CROCC2: variants seen among roughly 807,000 people sequenced by gnomAD.
CROCC2 encodes ciliary rootlet coiled-coil protein 2.
In CROCC2, 163 loss-of-function variants were observed where a neutral mutation model predicts 177.6. The observed-to-expected ratio is 0.92, with a 90% confidence interval of 0.81 to 1.05. The LOEUF is 1.05. Among genes scored for constraint, CROCC2 ranks in the 50% least tolerant of loss-of-function variants. The pLI is 0.00. For missense variants in CROCC2, 1,929 were observed against 1,797.8 expected (o/e 1.07, Z -1.32); for synonymous variants, 904 against 787.3 (o/e 1.15, Z -2.48).
intron 11 of CROCC2, 24 bp from the exon 12 acceptor site, chr2:240,934,307 C>T (rs1307184730): frequency 4.5e-6 from 7 of 1,546,882 alleles, no homozygotes; most frequent in Admixed American, 2.0e-5. Context: ...GAGCGACCTC[C>T]CGCCCTCTGG....
chr2:240,915,679 G>T (rs1046991680), intron 1 of CROCC2, among the ~76,000 whole-genome samples: 3 of 152,150 alleles, frequency 2.0e-5, no homozygotes, highest in Non-Finnish European at 4.4e-5. Flanking sequence ...ACAACCAAAT[G>T]GGGTGGCGCA....
Position 240,930,232 on chromosome 2 carries a change from G to A in CROCC2, c.712G>A (p.Gly238Arg). The A allele has an allele frequency of 1.7e-6, 1 of 593,438 alleles. No homozygotes were observed. Among genetic ancestry groups the A allele is most frequent in the Non-Finnish European group, 3.1e-6 (1 of 323,552 alleles). The allele number at this position is 593,438 out of a possible 1,614,324, so 36.8% of individuals were successfully genotyped here. ...CCTGTGGAGACAGGCCGTGGTGCTGGGGACAGACCTGGCCGAGCTGCGTGT... is the reference window on the plus strand; with the variant it reads ...CCTGTGGAGACAGGCCGTGGTGCTGAGGACAGACCTGGCCGAGCTGCGTGT... ...LLLWRQAVVL[G>R]TDLAELRVAT... Residue 238 changes from glycine to arginine, a missense_variant, in exon 6 of 32, where the codon GGG (glycine) becomes AGG (arginine). By Grantham distance (125) the Gly-to-Arg change is moderately radical. Around this residue, in one of 3 missense-constraint regions of CROCC2, gnomAD observed 1,397 missense variants for 1,239.9 expected, o/e 1.13. Coordinates refer to ENST00000690015, the MANE Select transcript of CROCC2 (RefSeq NM_001351305.2).
chr2:240,956,015 GC>G, intron 19 of CROCC2, 43 bp downstream of exon 19: 8 of 1,440,538 alleles, frequency 5.6e-6, no homozygotes, highest in Non-Finnish European at 6.6e-6. Context: ...CCAAGCAGGT[GC>G]TGGCAGACCC....
intron 27 of CROCC2, among the ~76,000 whole-genome samples, chr2:240,974,969 A>C (rs985736247): frequency 6.6e-6 from 1 of 151,950 alleles, no homozygotes; most frequent in African/African-American, 2.4e-5. Flanking sequence ...TTGGGCAGGG[A>C]TGACGGTTTT....
At chr2:240,922,425 G>T in intron 3 of CROCC2, 114 bp from the exon 4 acceptor site, 1 of 578,856 alleles carries the variant, frequency 1.7e-6, no homozygotes, top group South Asian at 2.0e-5. Context: ...CTGCTGTGGG[G>T]CCCCAGGGAG....
intron 2 of CROCC2, among the ~76,000 whole-genome samples, chr2:240,919,680 G>A (rs533222023): frequency 5.3e-5 from 8 of 152,126 alleles, no homozygotes; most frequent in South Asian, 2.1e-4. Context: ...AGTGCCCAGC[G>A]TCCAGGCCGC....
Position 240,958,096 on chromosome 2 carries a change from G to A in CROCC2, c.2944-1205G>A, listed in dbSNP as rs568234740. The A allele has an allele frequency of 2.0e-5, 20 of 985,398 alleles. No individual in the cohort carries two copies. The highest frequency in any genetic ancestry group is 2.3e-4 in the East Asian group (2 of 8,792). The allele number at this position is 985,398 out of a possible 1,614,324, so 61.0% of individuals were successfully genotyped here. A position where few individuals can be genotyped will look rare whatever the true frequency, so the allele number is the denominator to read the frequency against. On this transcript the variant is annotated intron_variant, in intron 19 of 31. Transcript: ENST00000690015. This position sits in a 1 kb window ranked among gnomAD's most constrained non-coding sequence, Gnocchi z 6.7. ...TCGTTAAGGGTTCCTTTGCCACCTC[G>A]GCTCAGAAAATGGAAATTAAAACTG...
At position 240,965,679 on chromosome 2, in the gene CROCC2, G is replaced by A. The variant is rs1478780550; in HGVS notation, c.3647G>A (p.Gly1216Glu). 2 of 1,550,454 alleles carry A rather than the reference G, an allele frequency of 1.3e-6. No individual in the cohort carries two copies. The highest frequency in any genetic ancestry group is 2.4e-5 in the East Asian group (1 of 40,900). The change falls in exon 24 of 32, where the codon GGG (glycine) becomes GAG (glutamate). Residue 1216 changes from glycine to glutamate, a missense_variant. Coordinates refer to ENST00000690015, the MANE Select transcript of CROCC2 (RefSeq NM_001351305.2). ...AAGTTGGCAGAGGTGGAGGCCGCAGGGGAGGCCCATGGACAGCGGCTCCAG... is the reference window on the plus strand; with the variant it reads ...AAGTTGGCAGAGGTGGAGGCCGCAGAGGAGGCCCATGGACAGCGGCTCCAG... ...QRKLAEVEAA[G>E]EAHGQRLQEH...
chr2:240,968,534 G>A (rs370962722), intron 27 of CROCC2, among the ~76,000 whole-genome samples: 2 of 152,212 alleles, frequency 1.3e-5, no homozygotes. Context: ...TTTACAGGTT[G>A]GGGAAACTGA....
At chr2:240,944,542 C>T (rs148377129) in intron 14 of CROCC2, among the ~76,000 whole-genome samples, 61 of 152,268 alleles carry the variant, frequency 4.0e-4, no homozygotes, top group Non-Finnish European at 7.8e-4. Context: ...CTTTGTCTCT[C>T]TTCCAGGTTA....
At chr2:240,936,050 C>T (rs138863299) in intron 14 of CROCC2, among the ~76,000 whole-genome samples, 1,869 of 152,304 alleles carry the variant, frequency 0.012, 28 homozygotes, top group Middle Eastern at 0.014. Context: ...AATCCTGCCT[C>T]GTTCATCCGT....
chr2:240,952,049 T>C (rs2059559599), intron 18 of CROCC2, among the ~76,000 whole-genome samples: 2 of 152,118 alleles, frequency 1.3e-5, no homozygotes. Flanking sequence ...CTATAAGATG[T>C]TGGTACAAAT....
chr2:240,914,203 G>C lies in CROCC2; in HGVS notation c.79-4523G>C, dbSNP rs535649726. Reference sequence around the variant, plus strand: ...AAGGCTCATCAGTGACCACCCTTGTGCGCGAGTGGGGGCCCAAGGCTGGGG... The same window carrying C: ...AAGGCTCATCAGTGACCACCCTTGTCCGCGAGTGGGGGCCCAAGGCTGGGG... On this transcript the variant is annotated intron_variant, in intron 1 of 31. Coordinates refer to ENST00000690015, the MANE Select transcript of CROCC2 (RefSeq NM_001351305.2). Among the ~76,000 whole-genome samples the C allele has an allele frequency of 6.2e-4, 95 of 152,344 alleles. 4 individuals carry two copies. The highest frequency in any genetic ancestry group is 3.4e-3 in the Middle Eastern group (1 of 294).
chr2:240,961,028 A>G (rs556224921), intron 20 of CROCC2, among the ~76,000 whole-genome samples: 58 of 152,020 alleles, frequency 3.8e-4, no homozygotes, highest in African/African-American at 1.4e-3. Context: ...GGAGCAGAAC[A>G]GAGCAGGGTG....
chr2:240,983,057 G>A (rs574191571), intron 28 of CROCC2, 28 bp downstream of exon 28: 33 of 1,544,396 alleles, frequency 2.1e-5, no homozygotes, highest in African/African-American at 5.5e-5. Flanking sequence ...GGCAGGGTAC[G>A]CTGTCACCAG....
chr2:240,915,744 C>T (rs868610568), intron 1 of CROCC2, among the ~76,000 whole-genome samples: 1 of 152,064 alleles, frequency 6.6e-6, no homozygotes, highest in Non-Finnish European at 1.5e-5. Context: ...GGGCCAGGAT[C>T]GGGTTGAGTG....
chr2:240,910,322 G>C (rs2059279431), intron 1 of CROCC2, among the ~76,000 whole-genome samples: 1 of 151,964 alleles, frequency 6.6e-6, no homozygotes, highest in Admixed American at 6.6e-5. Flanking sequence ...TCCCGGACGA[G>C]GAACCCAGCA....
At chr2:240,929,135 A>C (rs1429020837) in intron 5 of CROCC2, among the ~76,000 whole-genome samples, 2 of 152,038 alleles carry the variant, frequency 1.3e-5, no homozygotes, top group African/African-American at 4.8e-5. Context: ...GCTGGGGGGA[A>C]TCTCAGGTGT....
At chr2:240,990,204 T>C (rs10205276) in intron 30 of CROCC2, among the ~76,000 whole-genome samples, 109,936 of 152,152 alleles carry the variant, frequency 0.72, 40,803 homozygotes, top group East Asian at 0.92. Flanking sequence ...GTAGCAGAGG[T>C]GGCCTCTGCA....
Sources: gnomAD v4.1 joint callset for allele counts (sites outside exome capture counted in the v4.1 genomes callset) on GRCh38, gnomAD v4.1.1 for gene constraint, gnomAD v4.1.1 regional missense constraint, Gnocchi (gnomAD v3.1) non-coding constraint, MANE v1.5 for transcripts, NCBI Gene and HGNC (gene_info 2026-07-23, HGNC 2026-07-21) for gene names.